Variants in GALNT13 observed in about 807,000 individuals in gnomAD.
GALNT13 encodes the protein polypeptide N-acetylgalactosaminyltransferase 13, also known as UDP-GalNAc:polypeptide N-acetylgalactosaminyltransferase 13.
In GALNT13, 28 loss-of-function variants were observed where a neutral mutation model predicts 64.2. That is an observed-to-expected ratio of 0.44 (90% CI 0.32 to 0.60). The LOEUF (loss-of-function observed/expected upper bound fraction) is 0.60. Ranked by LOEUF, GALNT13 falls within the 20% of genes least tolerant of loss-of-function variation. The pLI, the probability that GALNT13 is intolerant of heterozygous loss-of-function variation, is 0.05. For synonymous variants in GALNT13, 214 were observed against 224.6 expected (o/e 0.95, Z 0.42); for missense variants, 577 against 669.8 (o/e 0.86, Z 1.53).
At chr2:153,112,163 T>A in the GALNT13 span, among the ~76,000 whole-genome samples, 1 of 152,122 alleles carries the variant, frequency 6.6e-6, no homozygotes, top group Non-Finnish European at 1.5e-5. Context: ...TCTTCACTCA[T>A]CCATTCCCAG....
chr2:154,404,272 A>G (rs1043782247), intron 10 of GALNT13, among the ~76,000 whole-genome samples: 15 of 152,250 alleles, frequency 9.9e-5, no homozygotes, highest in Non-Finnish European at 1.9e-4. Context: ...AGTCCCCAAG[A>G]TAAGTCTATT....
chr2:154,033,657 G>A lies in GALNT13; in HGVS notation c.142+89018G>A, dbSNP rs532671519. ...ATTATAACTTTATAAAAACTGAAAG[G>A]GGCCGAGCGTGGTGGCTTACGCCTG... On this transcript the variant is annotated intron_variant, in intron 3 of 12. Coordinates refer to ENST00000392825, the MANE Select transcript of GALNT13 (RefSeq NM_052917.4). 1.6e-4 allele frequency among the ~76,000 whole-genome samples: 25 copies of A among 152,080 alleles called. No individual in the cohort carries two copies. The South Asian group carries it at 4.4e-3, about 26-fold the overall frequency.
chr2:153,921,641 A>G (rs1042388119), intron 2 of GALNT13, among the ~76,000 whole-genome samples: 3 of 152,168 alleles, frequency 2.0e-5, no homozygotes, highest in African/African-American at 4.8e-5. Flanking sequence ...AATAAAAAAG[A>G]ATGCTTAAGA....
At chr2:153,344,192 C>T in the GALNT13 span, among the ~76,000 whole-genome samples, 1 of 152,092 alleles carries the variant, frequency 6.6e-6, no homozygotes, top group African/African-American at 2.4e-5. Context: ...TACATTACTA[C>T]CCTCATTAGA....
At chr2:153,216,837 G>T in the GALNT13 span, among the ~76,000 whole-genome samples, 1 of 151,524 alleles carries the variant, frequency 6.6e-6, no homozygotes, top group Non-Finnish European at 1.5e-5. Context: ...TCTTTTGTTG[G>T]TCATGTTTTG....
intron 4 of GALNT13, among the ~76,000 whole-genome samples, chr2:154,166,042 G>A (rs2348785): frequency 0.76 from 115,990 of 152,120 alleles, 44,602 homozygotes; most frequent in East Asian, 0.96. Context: ...AAGGTCTCAC[G>A]TGTCTAAACA....
intron 3 of GALNT13, among the ~76,000 whole-genome samples, chr2:154,108,076 A>G (rs372374030): frequency 2.6e-5 from 4 of 152,072 alleles, no homozygotes; most frequent in African/African-American, 4.8e-5. Context: ...GGGTGCCGAC[A>G]TTCCTTTGAC....
chr2:153,506,928 A>G, the GALNT13 span, among the ~76,000 whole-genome samples: 1 of 152,178 alleles, frequency 6.6e-6, no homozygotes, highest in Non-Finnish European at 1.5e-5. Context: ...ATTCCCTCAA[A>G]CATGTTTTCC....
the GALNT13 span, among the ~76,000 whole-genome samples, chr2:153,853,644 A>T: frequency 1.3e-5 from 2 of 151,752 alleles, no homozygotes; most frequent in Non-Finnish European, 2.9e-5. Flanking sequence ...AATAGGTTGG[A>T]CAAAAGTAAT....
At chr2:153,885,304 T>A (rs1045635293) in intron 1 of GALNT13, among the ~76,000 whole-genome samples, 5 of 152,046 alleles carry the variant, frequency 3.3e-5, no homozygotes, top group Non-Finnish European at 7.4e-5. Flanking sequence ...TCCTGTATCC[T>A]TTAAGTTTGA....
chr2:153,598,939 A>G, the GALNT13 span, among the ~76,000 whole-genome samples: 3 of 152,082 alleles, frequency 2.0e-5, no homozygotes, highest in South Asian at 2.1e-4. Flanking sequence ...TCTCTATCCA[A>G]TGGCTCAGTT....
chr2:153,479,803 ATTGTG>A, the GALNT13 span, among the ~76,000 whole-genome samples: 1 of 152,196 alleles, frequency 6.6e-6, no homozygotes, highest in Non-Finnish European at 1.5e-5. Context: ...CGCTTCAGCC[ATTGTG>A]ATTTTGCTCT....
chr2:153,094,116 G>T, the GALNT13 span, among the ~76,000 whole-genome samples: 1 of 151,804 alleles, frequency 6.6e-6, no homozygotes, highest in African/African-American at 2.4e-5. Context: ...TTAACTTTTA[G>T]AAAAAATCTT....
At chr2:154,231,810 A>G (rs13012314) in intron 4 of GALNT13, among the ~76,000 whole-genome samples, 101,022 of 146,748 alleles carry the variant, frequency 0.69, 35,166 homozygotes, top group East Asian at 0.84. Flanking sequence ...CCAACCTAAT[A>G]TCTAACCTAT....
intron 9 of GALNT13, among the ~76,000 whole-genome samples, chr2:154,326,412 T>G (rs573382298): frequency 6.6e-6 from 1 of 152,224 alleles, no homozygotes; most frequent in Non-Finnish European, 1.5e-5. Context: ...CATGTGACAT[T>G]TGATACTTGG....
chr2:154,027,812 A>C (rs1698077046), intron 3 of GALNT13, among the ~76,000 whole-genome samples: 1 of 152,254 alleles, frequency 6.6e-6, no homozygotes, highest in African/African-American at 2.4e-5. Flanking sequence ...TTAATGACAA[A>C]GACATTTCCT....
rs1701909145 is a variant in GALNT13, at chr2:154,452,494, G to A, written c.*1943G>A. On this transcript the variant is annotated 3_prime_UTR_variant, in exon 13 of 13. Transcript: ENST00000392825. ...AAAGCTTCAACTCTCAAGGACTCAT[G>A]TATACCATATGTTCCACTTATTGCT... 1 of 152,082 alleles carries A rather than the reference G, an allele frequency of 6.6e-6. No individual in the cohort carries two copies. Among genetic ancestry groups the A allele is most frequent in the South Asian group, 2.1e-4 (1 of 4,826 alleles). The allele number at this position is 152,082 out of a possible 1,614,324, so 9.4% of individuals were successfully genotyped here. A position where few individuals can be genotyped will look rare whatever the true frequency, so the allele number is the denominator to read the frequency against.
At chr2:153,495,508 T>C in the GALNT13 span, among the ~76,000 whole-genome samples, 1 of 152,016 alleles carries the variant, frequency 6.6e-6, no homozygotes, top group Non-Finnish European at 1.5e-5. Context: ...AATAAAGACA[T>C]AAATGTATAA....
chr2:153,640,488 G>A, the GALNT13 span, among the ~76,000 whole-genome samples: 1 of 152,098 alleles, frequency 6.6e-6, no homozygotes, highest in African/African-American at 2.4e-5. Flanking sequence ...GGTATAAGAA[G>A]TTTGTCAGGG....
Sources: allele counts gnomAD v4.1 joint callset (sites outside exome capture counted in the v4.1 genomes callset), GRCh38; gene constraint gnomAD v4.1.1; transcripts MANE v1.5; gene names NCBI Gene and HGNC (gene_info 2026-07-23, HGNC 2026-07-21).